PTPN14: variants seen among roughly 807,000 people sequenced by gnomAD.
PTPN14 encodes protein tyrosine phosphatase non-receptor type 14.
PTPN14 carries 53 observed loss-of-function variants against 126.8 expected under a neutral mutation model. The observed-to-expected ratio is 0.42, with a 90% CI of 0.34 to 0.53. PTPN14 has a LOEUF of 0.53. Ranked by LOEUF, PTPN14 falls within the 20% of genes least tolerant of loss-of-function variation. The probability of loss-of-function intolerance (pLI) is 0.08; values close to 1 mark genes in which losing one functional copy is unlikely to be tolerated. For missense variants in PTPN14, 1,257 were observed against 1,552.9 expected, an observed-to-expected ratio of 0.81 and a Z score of 3.20; for synonymous variants, 630 against 599.3, an observed-to-expected ratio of 1.05 and a Z score of -0.75.
chr1:214,499,022 C>T (rs1446803782), intron 1 of PTPN14, among the ~76,000 whole-genome samples: 1 of 152,038 alleles, frequency 6.6e-6, no homozygotes, highest in Admixed American at 6.6e-5. Context: ...CCAGGCTGGC[C>T]TCAAACTCCC....
intron 1 of PTPN14, among the ~76,000 whole-genome samples, chr1:214,491,550 C>A (rs1026985435): frequency 6.6e-6 from 1 of 152,160 alleles, no homozygotes; most frequent in Non-Finnish European, 1.5e-5. Context: ...GAGCTGTTCA[C>A]GATAGGGTTC....
chr1:214,381,197 G>A (rs1013253220), intron 13 of PTPN14, among the ~76,000 whole-genome samples: 18 of 152,146 alleles, frequency 1.2e-4, no homozygotes, highest in Non-Finnish European at 1.2e-4. Flanking sequence ...TGTTTAATAC[G>A]AGTAACAAGA....
intron 2 of PTPN14, among the ~76,000 whole-genome samples, chr1:214,461,658 T>C (rs945705820): frequency 2.6e-5 from 4 of 151,650 alleles, no homozygotes; most frequent in African/African-American, 9.7e-5. Context: ...AGATTAAATA[T>C]ATTTTGGCTG....
intron 10 of PTPN14, among the ~76,000 whole-genome samples, chr1:214,392,276 T>C (rs954485991): frequency 6.6e-6 from 1 of 152,116 alleles, no homozygotes; most frequent in African/African-American, 2.4e-5. Context: ...GAACCTCTTA[T>C]ACTTGGTTAG....
At chr1:214,402,792 C>G in intron 6 of PTPN14, 91 bp downstream of exon 6, 1 of 1,423,664 alleles carries the variant, frequency 7.0e-7, no homozygotes, top group South Asian at 1.2e-5. Context: ...GGCTCAAGCC[C>G]AGAGTTGCTG....
In PTPN14 at chr1:214,409,294, C is replaced by G. The variant is rs192757934; in HGVS notation, c.510+2390G>C. ...CTCTCTACATCTATAAGTTCAACTT[C>G]TTTTGATTCCACATACAAGTGAGAT... is the stretch of plus-strand genomic sequence containing the variant. On this transcript the variant is annotated intron_variant, in intron 5 of 18. Coordinates refer to ENST00000366956, the MANE Select transcript of PTPN14 (RefSeq NM_005401.5). 3.0e-3 allele frequency among the ~76,000 whole-genome samples: 456 copies of G among 152,344 alleles called. 3 individuals are homozygous for G. Among genetic ancestry groups the G allele is most frequent in the African/African-American group, 0.01 (431 of 41,570 alleles).
In PTPN14 at chr1:214,451,972, C is replaced by G; in HGVS notation, c.177G>C (p.Thr59=). Residue 59 remains threonine, a splice_region_variant and synonymous_variant, in exon 3 of 19, where the codon ACG becomes ACC. Coordinates refer to ENST00000366956, the MANE Select transcript of PTPN14 (RefSeq NM_005401.5). ...AVAQRLELRE[T]HYFGLWFLSK... ...TGAGAAACCAAAGGCCAAAGTAGTG[C>G]GTCTAGATAAAAGGGTAAAATAGCA... 6.2e-7 allele frequency: 1 copy of G among 1,613,040 alleles called. No homozygotes were observed. The highest frequency in any genetic ancestry group is 8.5e-7 in the Non-Finnish European group (1 of 1,179,448).
chr1:214,364,490 A>T lies in PTPN14; in HGVS notation c.3435+22T>A. On this transcript the variant is annotated intron_variant, in intron 18 of 18. Transcript: ENST00000366956. This position sits in a 1 kb window ranked among gnomAD's most constrained non-coding sequence, Gnocchi z 4.1. ...CTTGTCCCCAAGGTGGAGTATCCGG[A>T]GAGAAGCCCAGAATGACTCACTTCG... 18 of 1,610,954 alleles carry T rather than the reference A, an allele frequency of 1.1e-5. No individual in the cohort carries two copies. The highest frequency in any genetic ancestry group is 1.3e-5 in the Non-Finnish European group (15 of 1,178,264).
Position 214,356,574 on chromosome 1 carries a change from A to C in PTPN14, c.*1348T>G, listed in dbSNP as rs188584002. ...CACTGACCAATGAAGCCATAGGAAGAAACTAAGAACTGGGCTTCAAAGTGA... is the reference window on the plus strand; with the variant it reads ...CACTGACCAATGAAGCCATAGGAAGCAACTAAGAACTGGGCTTCAAAGTGA... On this transcript the variant is annotated 3_prime_UTR_variant, in exon 19 of 19. Coordinates refer to ENST00000366956, the MANE Select transcript of PTPN14 (RefSeq NM_005401.5). 1 of 152,372 alleles carries C rather than the reference A, an allele frequency of 6.6e-6. No individual in the cohort carries two copies. The highest frequency in any genetic ancestry group is 1.5e-5 in the Non-Finnish European group (1 of 68,044). The allele number at this position is 152,372 out of a possible 1,614,324, so 9.4% of individuals were successfully genotyped here. A position where few individuals can be genotyped will look rare whatever the true frequency, so the allele number is the denominator to read the frequency against.
intron 3 of PTPN14, among the ~76,000 whole-genome samples, chr1:214,418,834 T>C (rs994629261): frequency 2.0e-5 from 3 of 152,178 alleles, no homozygotes; most frequent in Non-Finnish European, 4.4e-5. Flanking sequence ...GCCCCAGAGA[T>C]AGAAGGAAGG....
intron 3 of PTPN14, among the ~76,000 whole-genome samples, chr1:214,424,251 C>T (rs1659609527): frequency 6.6e-6 from 1 of 151,074 alleles, no homozygotes; most frequent in Non-Finnish European, 1.5e-5. Flanking sequence ...GCCGAGATTG[C>T]ACCACTGCAC....
At chr1:214,436,793 A>C (rs1032663109) in intron 3 of PTPN14, among the ~76,000 whole-genome samples, 1 of 54,286 alleles carries the variant, frequency 1.8e-5, no homozygotes, top group Non-Finnish European at 3.8e-5. Flanking sequence ...TCTCAAAAAA[A>C]AAAAAAAAAA....
At chr1:214,389,468 G>T in intron 11 of PTPN14, among the ~76,000 whole-genome samples, 1 of 152,124 alleles carries the variant, frequency 6.6e-6, no homozygotes, top group South Asian at 2.1e-4. Context: ...AAGAGGGCAG[G>T]TGAAAAACAG....
At chr1:214,442,912 C>T (rs2102622980) in intron 3 of PTPN14, among the ~76,000 whole-genome samples, 1 of 151,926 alleles carries the variant, frequency 6.6e-6, no homozygotes, top group African/African-American at 2.4e-5. Context: ...CAACCTCTTG[C>T]TCCTGGGTTC....
intron 15 of PTPN14, among the ~76,000 whole-genome samples, 167 bp downstream of exon 15, chr1:214,376,051 CA>C (rs1335355088): frequency 1.3e-5 from 2 of 152,146 alleles, no homozygotes; most frequent in Non-Finnish European, 2.9e-5. Context: ...CAGTGATAGA[CA>C]TGCCCTTCCA....
chr1:214,384,058 G>T lies in PTPN14; in HGVS notation c.1797C>A (p.Thr599=). Residue 599 remains threonine (T), a synonymous_variant, in exon 13 of 19, where the codon ACC becomes ACA. Coordinates refer to ENST00000366956, the MANE Select transcript of PTPN14 (RefSeq NM_005401.5). The surrounding 1 kb of genome is among the most constrained non-coding windows in gnomAD (Gnocchi z 5.3). ...YVSGSSPDLV[T]RKVQLSVKTF... is the part of the protein sequence containing the mutation. ...TCTTCACCGAGAGCTGCACCTTCCG[G>T]GTCACCAGGTCCGGGCTGCTGCCGC... The T allele has an allele frequency of 1.3e-6, 2 of 1,583,214 alleles. No individual in the cohort carries two copies. The highest frequency in any genetic ancestry group is 1.7e-6 in the Non-Finnish European group (2 of 1,166,992).
intron 2 of PTPN14, among the ~76,000 whole-genome samples, chr1:214,461,991 T>C (rs937115125): frequency 9.9e-5 from 15 of 152,186 alleles, no homozygotes; most frequent in Non-Finnish European, 1.5e-5. Context: ...CTTTAAGGTG[T>C]GTGTGTGCAA....
chr1:214,506,672 A>G (rs1279054511), intron 1 of PTPN14, among the ~76,000 whole-genome samples: 1 of 152,206 alleles, frequency 6.6e-6, no homozygotes, highest in Non-Finnish European at 1.5e-5. Context: ...CCAGGTGGCC[A>G]ATGCTCATTA....
chr1:214,534,031 T>G (rs1405681900), intron 1 of PTPN14, among the ~76,000 whole-genome samples: 1 of 152,128 alleles, frequency 6.6e-6, no homozygotes, highest in East Asian at 1.9e-4. Context: ...ACAATAGAAT[T>G]AGTTCTAAAT....
Sources: gnomAD v4.1 joint callset for allele counts (sites outside exome capture counted in the v4.1 genomes callset) on GRCh38, gnomAD v4.1.1 for gene constraint, Gnocchi (gnomAD v3.1) non-coding constraint, MANE v1.5 for transcripts, NCBI Gene and HGNC (gene_info 2026-07-23, HGNC 2026-07-21) for gene names.